Variants in SLC24A2 observed in about 807,000 individuals in gnomAD.
SLC24A2 encodes sodium/potassium/calcium exchanger 2.
In SLC24A2, 36 loss-of-function variants were observed where a neutral mutation model predicts 62.0. The observed-to-expected ratio is 0.58, with a 90% CI of 0.44 to 0.77. The LOEUF (loss-of-function observed/expected upper bound fraction) is 0.77, where lower values mean the gene tolerates loss of function less well. Among genes scored for constraint, SLC24A2 ranks in the 30% least tolerant of loss-of-function variants. SLC24A2 has a pLI of 0.00. For missense variants in SLC24A2, 846 were observed against 817.9 expected (o/e 1.03, Z -0.42); for synonymous variants, 358 against 294.0 (o/e 1.22, Z -2.23).
At chr9:20,121,392 G>C in the SLC24A2 span, among the ~76,000 whole-genome samples, 1 of 151,824 alleles carries the variant, frequency 6.6e-6, no homozygotes, top group African/African-American at 2.4e-5. Flanking sequence ...ATACCACCTT[G>C]CAAATATTTG....
the SLC24A2 span, among the ~76,000 whole-genome samples, chr9:20,064,455 A>C: frequency 6.6e-6 from 1 of 152,228 alleles, no homozygotes. Flanking sequence ...ATTATAATTT[A>C]CGGTAAATAA....
At chr9:19,633,792 G>C (rs1389849574) in intron 2 of SLC24A2, among the ~76,000 whole-genome samples, 4 of 152,108 alleles carry the variant, frequency 2.6e-5, no homozygotes, top group African/African-American at 9.7e-5. Context: ...TGGATTGTTT[G>C]TTTCCTTAAT....
At chr9:20,213,764 A>C in the SLC24A2 span, among the ~76,000 whole-genome samples, 1 of 152,222 alleles carries the variant, frequency 6.6e-6, no homozygotes, top group East Asian at 1.9e-4. Context: ...TAATAACTAG[A>C]AAATAATTGG....
chr9:19,800,398 A>G, the SLC24A2 span, among the ~76,000 whole-genome samples: 1 of 152,182 alleles, frequency 6.6e-6, no homozygotes, highest in Non-Finnish European at 1.5e-5. Context: ...CTCTTGCCTT[A>G]TCACTTATTT....
chr9:19,961,204 C>G, the SLC24A2 span, among the ~76,000 whole-genome samples: 3 of 151,250 alleles, frequency 2.0e-5, no homozygotes, highest in African/African-American at 7.3e-5. Context: ...GTTGTGCACA[C>G]GTACCCTAAA....
At chr9:19,652,784 T>C (rs898215607) in intron 2 of SLC24A2, among the ~76,000 whole-genome samples, 6 of 152,206 alleles carry the variant, frequency 3.9e-5, no homozygotes. Context: ...TTAGCATCCA[T>C]GAAATCAGCT....
the SLC24A2 span, among the ~76,000 whole-genome samples, chr9:20,257,045 T>G: frequency 5.9e-5 from 9 of 152,252 alleles, no homozygotes; most frequent in East Asian, 1.7e-3. Flanking sequence ...AGCTTAATCA[T>G]TTCAGAGAAT....
the SLC24A2 span, among the ~76,000 whole-genome samples, chr9:20,072,926 G>A: frequency 7.2e-4 from 110 of 152,216 alleles, no homozygotes; most frequent in Non-Finnish European, 1.5e-3. Context: ...AACATGTTTT[G>A]TTTTAAGCCA....
At chr9:20,149,763 G>C in the SLC24A2 span, among the ~76,000 whole-genome samples, 1 of 152,028 alleles carries the variant, frequency 6.6e-6, no homozygotes, top group Admixed American at 6.6e-5. Context: ...ACAGGCAGCA[G>C]GCCACATTTG....
intron 1 of SLC24A2, among the ~76,000 whole-genome samples, chr9:19,788,263 T>C (rs1203664032): frequency 6.6e-6 from 1 of 152,172 alleles, no homozygotes; most frequent in African/African-American, 2.4e-5. Context: ...CGTCAACGCT[T>C]AGCAGGAACG....
chr9:19,527,596 A>G (rs941840690), intron 9 of SLC24A2, among the ~76,000 whole-genome samples: 1 of 152,250 alleles, frequency 6.6e-6, no homozygotes, highest in Admixed American at 6.5e-5. Context: ...GTTAAAAATA[A>G]TAACAATACA....
At chr9:20,140,407 A>G in the SLC24A2 span, among the ~76,000 whole-genome samples, 1 of 152,196 alleles carries the variant, frequency 6.6e-6, no homozygotes, top group Non-Finnish European at 1.5e-5. Flanking sequence ...TTGGTGTGCC[A>G]TAGCTGGGCA....
chr9:19,836,099 C>T, the SLC24A2 span, among the ~76,000 whole-genome samples: 1 of 152,074 alleles, frequency 6.6e-6, no homozygotes, highest in Non-Finnish European at 1.5e-5. Flanking sequence ...AAATTTATAG[C>T]ACTAAATGCC....
the SLC24A2 span, among the ~76,000 whole-genome samples, chr9:20,165,616 C>G: frequency 2.3e-4 from 35 of 151,756 alleles, no homozygotes; most frequent in African/African-American, 8.2e-4. Flanking sequence ...AACCATTGCC[C>G]CCACCATACA....
intron 2 of SLC24A2, among the ~76,000 whole-genome samples, chr9:19,731,030 G>C (rs1423931032): frequency 1.3e-5 from 2 of 152,060 alleles, no homozygotes; most frequent in Admixed American, 6.6e-5. Flanking sequence ...TAATTGATTT[G>C]TCTTGAGTTC....
chr9:20,245,590 A>G, the SLC24A2 span, among the ~76,000 whole-genome samples: 1 of 152,228 alleles, frequency 6.6e-6, no homozygotes, highest in African/African-American at 2.4e-5. Flanking sequence ...CATGGTGAGG[A>G]GAATAAGCAG....
At chr9:20,176,157 G>T in the SLC24A2 span, among the ~76,000 whole-genome samples, 130 of 152,118 alleles carry the variant, frequency 8.5e-4, no homozygotes, top group African/African-American at 2.9e-3. Context: ...TTTGGTCATG[G>T]TTCTAGGCTA....
the SLC24A2 span, among the ~76,000 whole-genome samples, chr9:20,044,925 A>G: frequency 1.3e-5 from 2 of 152,022 alleles, no homozygotes; most frequent in Admixed American, 1.3e-4. Flanking sequence ...TACATCTTCA[A>G]GTGTTAAGAT....
the SLC24A2 span, among the ~76,000 whole-genome samples, chr9:20,010,647 A>G: frequency 4.6e-4 from 70 of 152,252 alleles, no homozygotes; most frequent in African/African-American, 1.6e-3. Flanking sequence ...TCTAGGGTAC[A>G]TGTGCACAAC....
Sources: gnomAD v4.1 joint callset for allele counts (sites outside exome capture counted in the v4.1 genomes callset) on GRCh38, gnomAD v4.1.1 for gene constraint, MANE v1.5 for transcripts, NCBI Gene and HGNC (gene_info 2026-07-23, HGNC 2026-07-21) for gene names.